The following GOLT1A variants were observed in gnomAD, a reference collection of about 807,000 sequenced individuals.
GOLT1A encodes vesicle transport protein GOT1A.
GOLT1A carries 10 observed loss-of-function variants against 16.1 expected under a neutral mutation model. The observed-to-expected ratio is 0.62, with a 90% CI of 0.38 to 1.05. The LOEUF is 1.05. Ranked by LOEUF, GOLT1A falls within the 50% of genes least tolerant of loss-of-function variation. The pLI is 0.01. For missense variants in GOLT1A, 137 were observed against 165.7 expected, an observed-to-expected ratio of 0.83 and a Z score of 0.95; for synonymous variants, 60 against 67.9, an observed-to-expected ratio of 0.88 and a Z score of 0.57.
At chr1:204,203,930 G>C (rs1659002636) in intron 1 of GOLT1A, among the ~76,000 whole-genome samples, 1 of 152,148 alleles carries the variant, frequency 6.6e-6, no homozygotes, top group Non-Finnish European at 1.5e-5. Flanking sequence ...AGAAGTGCAG[G>C]ACATGAAGGC....
chr1:204,200,299 G>GTGTGTATATATATA lies in GOLT1A; in HGVS notation c.297-1042_297-1041insTATATATATACACA. Among the ~76,000 whole-genome samples, 488 of 82,664 alleles carry GTGTGTATATATATA rather than the reference G, an allele frequency of 5.9e-3. 13 individuals are homozygous for GTGTGTATATATATA. The highest frequency in any genetic ancestry group is 0.025 in the African/African-American group (446 of 18,048). 54.2% of individuals were successfully genotyped at this position (82,664 alleles called of 152,430 possible). A position where few individuals can be genotyped will look rare whatever the true frequency, so the allele number is the denominator to read the frequency against. ...GACTGTTTGAAAATGACATATATGT[G>GTGTGTATATATATA]TATATATATATATATATATATGTTT... On this transcript the variant is annotated intron_variant, in intron 3 of 4. Transcript: ENST00000308302.
At chr1:204,199,320 C>G (rs756533626) in intron 3 of GOLT1A, 62 bp from the exon 4 acceptor site, 2 of 1,351,366 alleles carry the variant, frequency 1.5e-6, no homozygotes, top group Non-Finnish European at 2.1e-6. Flanking sequence ...ATAGAGGGCA[C>G]GAGGCTGAGG....
At chr1:204,198,551 T>C in intron 4 of GOLT1A, 55 bp from the exon 5 acceptor site, 1 of 1,537,344 alleles carries the variant, frequency 6.5e-7, no homozygotes, top group Non-Finnish European at 9.0e-7. Flanking sequence ...AGATGCAATA[T>C]CTAGTTATTA....
intron 1 of GOLT1A, among the ~76,000 whole-genome samples, chr1:204,204,998 AT>A (rs1435692639): frequency 2.6e-5 from 4 of 152,118 alleles, no homozygotes; most frequent in Non-Finnish European, 2.9e-5. Flanking sequence ...TCCTTTGCCT[AT>A]TTTTTAAACA....
intron 1 of GOLT1A, among the ~76,000 whole-genome samples, chr1:204,208,323 CAT>C (rs958108944): frequency 4.0e-4 from 58 of 146,200 alleles, no homozygotes; most frequent in East Asian, 1.2e-3. Context: ...CACACATATA[CAT>C]ATATATGTAT....
At chr1:204,209,668 A>G (rs1483991269) in intron 1 of GOLT1A, among the ~76,000 whole-genome samples, 2 of 152,232 alleles carry the variant, frequency 1.3e-5, no homozygotes, top group Non-Finnish European at 2.9e-5. Context: ...GCACCATTTC[A>G]CAAACAAAAC....
chr1:204,213,700 C>T (rs1182239574), intron 1 of GOLT1A, among the ~76,000 whole-genome samples, 182 bp downstream of exon 1: 2 of 152,332 alleles, frequency 1.3e-5, no homozygotes, highest in African/African-American at 2.4e-5. Flanking sequence ...AACTCCCACC[C>T]GCTGGAGGGT....
intron 1 of GOLT1A, among the ~76,000 whole-genome samples, chr1:204,207,685 T>G (rs1659066095): frequency 6.6e-6 from 1 of 152,198 alleles, no homozygotes; most frequent in Non-Finnish European, 1.5e-5. Flanking sequence ...CATCGTCTTT[T>G]TTCCCCCTTT....
At chr1:204,201,330 G>A (rs987235754) in intron 3 of GOLT1A, among the ~76,000 whole-genome samples, 1 of 152,202 alleles carries the variant, frequency 6.6e-6, no homozygotes, top group African/African-American at 2.4e-5. Context: ...TTAGCTCACT[G>A]CCCTTCCTCT....
Position 204,213,970 on chromosome 1 carries a change from GC to G in GOLT1A, c.-65del. 1 of 1,573,982 alleles carries G rather than the reference GC, an allele frequency of 6.4e-7. No homozygotes were observed. The highest frequency in any genetic ancestry group is 8.7e-7 in the Non-Finnish European group (1 of 1,152,148). On this transcript the variant is annotated 5_prime_UTR_variant, in exon 1 of 5. It removes the in-frame stop codon of an upstream open reading frame in the 5' UTR. Coordinates refer to ENST00000308302, the MANE Select transcript of GOLT1A (RefSeq NM_198447.2). Reference sequence around the variant, plus strand: ...GCAAGTGGAGCGTGGCCCAGAGGACGCAGCTGGTACATGGTCACGGGAAGCT... The same window carrying G: ...GCAAGTGGAGCGTGGCCCAGAGGACGAGCTGGTACATGGTCACGGGAAGCT...
At chr1:204,202,188 C>A (rs1658974727) in intron 2 of GOLT1A, among the ~76,000 whole-genome samples, 1 of 151,850 alleles carries the variant, frequency 6.6e-6, no homozygotes, top group Admixed American at 6.6e-5. Flanking sequence ...GGCAGCCATA[C>A]TGAAAGTCAC....
chr1:204,212,673 C>T (rs1270550829), intron 1 of GOLT1A, among the ~76,000 whole-genome samples: 2 of 150,118 alleles, frequency 1.3e-5, no homozygotes, highest in African/African-American at 4.9e-5. Flanking sequence ...GGCTTCCCTG[C>T]TGCTGCCTTC....
At chr1:204,204,074 G>T (rs59216987) in intron 1 of GOLT1A, among the ~76,000 whole-genome samples, 2,886 of 152,186 alleles carry the variant, frequency 0.019, 90 homozygotes, top group African/African-American at 0.066. Flanking sequence ...ACTCAGAATT[G>T]TTCATTTTAC....
At chr1:204,199,032 G>C (rs1036826091) in intron 4 of GOLT1A, 163 bp downstream of exon 4, 9 of 620,952 alleles carry the variant, frequency 1.4e-5, no homozygotes, top group Non-Finnish European at 2.3e-5. Flanking sequence ...GAGAAGGTGC[G>C]GGGGGAAGAG....
At chr1:204,198,916 T>G in intron 4 of GOLT1A, 1 of 508,016 alleles carries the variant, frequency 2.0e-6, no homozygotes, top group Non-Finnish European at 3.5e-6. Flanking sequence ...TGCGTCTTCA[T>G]TTCTTTGGCT....
intron 3 of GOLT1A, among the ~76,000 whole-genome samples, chr1:204,200,297 G>GTTTATATATATATATATATATA (rs1658931059): frequency 2.5e-5 from 1 of 40,360 alleles, no homozygotes; most frequent in Non-Finnish European, 4.3e-5. Context: ...TGACATATAT[G>GTTTATATATATATATATATATA]TGTATATATA....
In GOLT1A at chr1:204,198,251, G is replaced by A; in HGVS notation, c.*207C>T. 1.8e-6 allele frequency: 1 copy of A among 569,066 alleles called. No homozygotes were observed. The highest frequency in any genetic ancestry group is 3.1e-6 in the Non-Finnish European group (1 of 323,286). The allele number at this position is 569,066 out of a possible 1,614,324, so 35.3% of individuals were successfully genotyped here. A position where few individuals can be genotyped will look rare whatever the true frequency, so the allele number is the denominator to read the frequency against. On this transcript the variant is annotated 3_prime_UTR_variant, in exon 5 of 5. Transcript: ENST00000308302. ...ATACCAGCCCCAGCCCAGTCTCCTT[G>A]GGGTCTGCATCTCTGCTTCCTGGCA...
At chr1:204,210,119 C>T (rs2102340369) in intron 1 of GOLT1A, among the ~76,000 whole-genome samples, 1 of 152,312 alleles carries the variant, frequency 6.6e-6, no homozygotes, top group East Asian at 1.9e-4. Context: ...CCAGTCCAGT[C>T]CACTTCTGCA....
chr1:204,208,597 A>AC (rs1458020932), intron 1 of GOLT1A, among the ~76,000 whole-genome samples: 1 of 149,574 alleles, frequency 6.7e-6, no homozygotes, highest in African/African-American at 2.5e-5. Flanking sequence ...AAGTGAAGTG[A>AC]CTCCGGAATG....
Sources: gnomAD v4.1 joint callset for allele counts (sites outside exome capture counted in the v4.1 genomes callset) on GRCh38, gnomAD v4.1.1 for gene constraint, MANE v1.5 for transcripts, NCBI Gene and HGNC (gene_info 2026-07-23, HGNC 2026-07-21) for gene names.